Variants in LRRC4C observed in about 807,000 individuals in gnomAD.
LRRC4C encodes the protein leucine rich repeat containing 4C, also known as leucine-rich repeat-containing protein 4C.
In LRRC4C, 5 loss-of-function variants were observed where a neutral mutation model predicts 33.6. That is an observed-to-expected ratio of 0.15 (90% CI 0.08 to 0.31). The LOEUF is 0.31. Among genes scored for constraint, LRRC4C ranks in the 10% least tolerant of loss-of-function variants. The pLI is 1.00. For missense variants in LRRC4C, 560 were observed against 796.7 expected (o/e 0.70, Z 3.58); for synonymous variants, 329 against 302.0 (o/e 1.09, Z -0.93).
chr11:40,671,283 C>T (rs1944092380), intron 2 of LRRC4C, among the ~76,000 whole-genome samples: 1 of 152,044 alleles, frequency 6.6e-6, no homozygotes, highest in African/African-American at 2.4e-5. Context: ...TTAGAAAATG[C>T]ATTACTGGTC....
chr11:41,218,763 A>ATTTTTTTTT (rs1184491274), intron 1 of LRRC4C, among the ~76,000 whole-genome samples: 3 of 108,908 alleles, frequency 2.8e-5, no homozygotes, highest in Admixed American at 1.1e-4. Context: ...TGCATATGTC[A>ATTTTTTTTT]TTTTTTTTTT....
At chr11:40,446,880 C>T (rs1201645297) in intron 3 of LRRC4C, 1 of 152,158 alleles carries the variant, frequency 6.6e-6, no homozygotes, top group East Asian at 1.9e-4. Flanking sequence ...CTGGTCCCTC[C>T]CTTGACACAT....
chr11:40,428,453 T>C (rs1168329668), intron 3 of LRRC4C, among the ~76,000 whole-genome samples: 1 of 152,190 alleles, frequency 6.6e-6, no homozygotes, highest in African/African-American at 2.4e-5. Flanking sequence ...CATAATATTA[T>C]TTTAGAAAAT....
chr11:40,897,502 C>T (rs552404888), intron 2 of LRRC4C, among the ~76,000 whole-genome samples: 1 of 151,940 alleles, frequency 6.6e-6, no homozygotes, highest in African/African-American at 2.4e-5. Flanking sequence ...ATTTAGTGAC[C>T]CAATCTACCA....
intron 2 of LRRC4C, among the ~76,000 whole-genome samples, chr11:40,839,634 G>C (rs2135626100): frequency 6.6e-6 from 1 of 152,290 alleles, no homozygotes; most frequent in South Asian, 2.1e-4. Context: ...GAAAGCGATT[G>C]AATTTCCAAA....
At chr11:41,257,483 G>T (rs994642111) in intron 1 of LRRC4C, among the ~76,000 whole-genome samples, 1 of 152,032 alleles carries the variant, frequency 6.6e-6, no homozygotes, top group African/African-American at 2.4e-5. Context: ...ATGGTTCAGT[G>T]CCTACCTGAG....
intron 1 of LRRC4C, among the ~76,000 whole-genome samples, chr11:41,045,839 G>A (rs541873175): frequency 6.6e-6 from 1 of 152,144 alleles, no homozygotes; most frequent in African/African-American, 2.4e-5. Context: ...CTGGGAATAA[G>A]GTAACCTTGT....
At chr11:40,799,440 T>C (rs1950955960) in intron 2 of LRRC4C, among the ~76,000 whole-genome samples, 1 of 152,246 alleles carries the variant, frequency 6.6e-6, no homozygotes, top group Non-Finnish European at 1.5e-5. Context: ...AAAAGATCAT[T>C]GACCTTGCAG....
intron 1 of LRRC4C, among the ~76,000 whole-genome samples, chr11:41,110,110 C>T (rs1249458948): frequency 2.6e-5 from 4 of 152,028 alleles, no homozygotes; most frequent in Non-Finnish European, 5.9e-5. Context: ...AACTACTCTG[C>T]TTATCTATAT....
At chr11:40,421,416 C>T (rs1950520125) in intron 3 of LRRC4C, among the ~76,000 whole-genome samples, 1 of 152,174 alleles carries the variant, frequency 6.6e-6, no homozygotes, top group South Asian at 2.1e-4. Context: ...ATAGGGCCTC[C>T]AGCCAGTCGC....
At chr11:41,431,496 C>T (rs1955232437) in intron 1 of LRRC4C, among the ~76,000 whole-genome samples, 1 of 151,956 alleles carries the variant, frequency 6.6e-6, no homozygotes, top group Non-Finnish European at 1.5e-5. Flanking sequence ...GGACAATTTT[C>T]CCCCTTGGTC....
At chr11:40,298,383 G>C in intron 4 of LRRC4C, among the ~76,000 whole-genome samples, 1 of 150,928 alleles carries the variant, frequency 6.6e-6, no homozygotes, top group African/African-American at 2.4e-5. Flanking sequence ...TGAGTTAACT[G>C]CTTGCTGATC....
At chr11:41,145,285 T>G (rs1299203328) in intron 1 of LRRC4C, among the ~76,000 whole-genome samples, 1 of 152,216 alleles carries the variant, frequency 6.6e-6, no homozygotes. Flanking sequence ...AATACCATAA[T>G]ACTATTTTCA....
At chr11:40,641,918 C>G (rs193167717) in intron 3 of LRRC4C, among the ~76,000 whole-genome samples, 31 of 152,112 alleles carry the variant, frequency 2.0e-4, no homozygotes, top group Admixed American at 2.0e-3. Context: ...TAGACTTTAT[C>G]ATAAATTGAC....
chr11:40,917,007 C>T (rs1254579804), intron 2 of LRRC4C, among the ~76,000 whole-genome samples: 2 of 152,010 alleles, frequency 1.3e-5, no homozygotes, highest in African/African-American at 4.8e-5. Flanking sequence ...TGGTTTATTT[C>T]ATACACTTAC....
intron 3 of LRRC4C, among the ~76,000 whole-genome samples, chr11:40,356,924 A>G (rs1035702897): frequency 6.6e-6 from 1 of 152,254 alleles, no homozygotes; most frequent in East Asian, 1.9e-4. Context: ...TTATTGTTCC[A>G]TTGGGCAGAC....
At chr11:40,559,839 T>C (rs964254369) in intron 3 of LRRC4C, among the ~76,000 whole-genome samples, 1 of 152,148 alleles carries the variant, frequency 6.6e-6, no homozygotes, top group Non-Finnish European at 1.5e-5. Flanking sequence ...AGCTTTTTTT[T>C]CACATGCTTG....
intron 1 of LRRC4C, among the ~76,000 whole-genome samples, chr11:40,957,392 T>A (rs1010287514): frequency 6.6e-6 from 1 of 151,696 alleles, no homozygotes; most frequent in African/African-American, 2.4e-5. Flanking sequence ...GTTTATCCAA[T>A]CAGGACACTT....
At chr11:41,236,519 A>G (rs1441104335) in intron 1 of LRRC4C, among the ~76,000 whole-genome samples, 1 of 152,128 alleles carries the variant, frequency 6.6e-6, no homozygotes, top group Non-Finnish European at 1.5e-5. Flanking sequence ...TCATGAGCTA[A>G]TAAAAAAGAA....
Sources: allele counts gnomAD v4.1 joint callset (sites outside exome capture counted in the v4.1 genomes callset), GRCh38; gene constraint gnomAD v4.1.1; transcripts MANE v1.5; gene names NCBI Gene and HGNC (gene_info 2026-07-23, HGNC 2026-07-21).